PCDHGB5: variants seen among roughly 807,000 people sequenced by gnomAD.
PCDHGB5 encodes protocadherin gamma subfamily B, 5.
PCDHGB5 carries 48 observed loss-of-function variants against 62.9 expected under a neutral mutation model. The ratio of observed to expected loss-of-function variants is 0.76; its 90% CI spans 0.61 to 0.97. The LOEUF (loss-of-function observed/expected upper bound fraction) is 0.97. Ranked by LOEUF, PCDHGB5 falls within the 50% of genes least tolerant of loss-of-function variation. PCDHGB5 has a pLI of 0.00. For missense variants in PCDHGB5, 1,118 were observed against 1,198.6 expected (o/e 0.93, Z 0.99); for synonymous variants, 474 against 511.2 (o/e 0.93, Z 0.98).
intron 1 of PCDHGB5, among the ~76,000 whole-genome samples, chr5:141,466,826 G>A (rs978548667): frequency 1.2e-4 from 18 of 152,056 alleles, no homozygotes; most frequent in Admixed American, 8.5e-4. Flanking sequence ...TAACAAGTTA[G>A]TATGGGTTTA....
intron 1 of PCDHGB5, chr5:141,415,585 C>T: frequency 6.2e-7 from 1 of 1,613,900 alleles, no homozygotes; most frequent in Non-Finnish European, 8.5e-7. Context: ...TTCGAAGTTT[C>T]CTATAGAGGA....
rs2099713635 is a variant in PCDHGB5, at chr5:141,491,418, T to C, written c.2398-3389T>C. The C allele has an allele frequency of 6.2e-7, 1 of 1,613,796 alleles. No individual in the cohort carries two copies. Among genetic ancestry groups the C allele is most frequent in the Non-Finnish European group, 8.5e-7 (1 of 1,179,944 alleles). On this transcript the variant is annotated intron_variant, in intron 1 of 3. Transcript: ENST00000617380. The surrounding 1 kb of genome is among the most constrained non-coding windows in gnomAD (Gnocchi z 6.9). The stretch of plus-strand genomic sequence containing the variant: ...AGGGAAACGCAGACGGGGACGGGGG[T>C]GGAGGGCAGTGCTGCAGGCGCCAGG...
intron 1 of PCDHGB5, among the ~76,000 whole-genome samples, chr5:141,438,349 C>G (rs892834423): frequency 6.6e-6 from 1 of 151,762 alleles, no homozygotes; most frequent in Non-Finnish European, 1.5e-5. Flanking sequence ...AGGATCTACT[C>G]TGTGTATTGT....
At chr5:141,500,252 A>G (rs2099798400) in intron 2 of PCDHGB5, among the ~76,000 whole-genome samples, 1 of 151,094 alleles carries the variant, frequency 6.6e-6, no homozygotes, top group East Asian at 1.9e-4. Flanking sequence ...TCTGTCACCC[A>G]GGCTGGACTG....
chr5:141,409,462 C>G (rs377705841), intron 1 of PCDHGB5: 1 of 1,613,988 alleles, frequency 6.2e-7, no homozygotes, highest in African/African-American at 1.3e-5. Flanking sequence ...AATACAATGT[C>G]ACCATCGTAG....
At position 141,485,939 on chromosome 5, in the gene PCDHGB5, C is replaced by A; in HGVS notation, c.2398-8868C>A. ...CAGGATTAGTGTGTTGGAGAGCGCA[C>A]CAGCGGGCATGGTGCTCATCCAGCT... On this transcript the variant is annotated intron_variant, in intron 1 of 3. Transcript: ENST00000617380. This position sits in a 1 kb window ranked among gnomAD's most constrained non-coding sequence, Gnocchi z 5.7. 1 of 1,614,140 alleles carries A rather than the reference C, an allele frequency of 6.2e-7. No homozygotes were observed. The highest frequency in any genetic ancestry group is 8.5e-7 in the Non-Finnish European group (1 of 1,180,030).
At chr5:141,472,022 T>C (rs949257396) in intron 1 of PCDHGB5, among the ~76,000 whole-genome samples, 1 of 152,176 alleles carries the variant, frequency 6.6e-6, no homozygotes, top group Non-Finnish European at 1.5e-5. Flanking sequence ...CTATATTGTA[T>C]GTAGAAAGCT....
At position 141,477,226 on chromosome 5, in the gene PCDHGB5, C is replaced by G. The variant is rs779570150; in HGVS notation, c.2398-17581C>G. 59 of 1,614,076 alleles carry G rather than the reference C, an allele frequency of 3.7e-5. No homozygotes were observed. The highest frequency in any genetic ancestry group is 1.3e-4 in the Admixed American group (8 of 60,004). On this transcript the variant is annotated intron_variant, in intron 1 of 3. Coordinates refer to ENST00000617380, the MANE Select transcript of PCDHGB5 (RefSeq NM_018925.3). This position sits in a 1 kb window ranked among gnomAD's most constrained non-coding sequence, Gnocchi z 4.9. ...CCGAGGATGCCCCTCTGGGGACTGT[C>G]ATCGCTTTGCTCAGTGTGACTGACC...
chr5:141,475,388 G>C (rs1230010845), intron 1 of PCDHGB5, among the ~76,000 whole-genome samples: 8 of 152,170 alleles, frequency 5.3e-5, no homozygotes, highest in Non-Finnish European at 1.0e-4. Flanking sequence ...AATTTTATAA[G>C]CCAGAGTTAA....
chr5:141,403,367 G>A (rs753470303), intron 1 of PCDHGB5: 1 of 1,614,038 alleles, frequency 6.2e-7, no homozygotes, highest in South Asian at 1.1e-5. Context: ...CGAAAGTCTG[G>A]AAGTAAAAAT....
At chr5:141,401,599 G>A (rs368569328) in intron 1 of PCDHGB5, among the ~76,000 whole-genome samples, 22 of 152,278 alleles carry the variant, frequency 1.4e-4, no homozygotes, top group African/African-American at 4.8e-4. Context: ...CTTGAAGAAG[G>A]GGAAAAAGAC....
intron 1 of PCDHGB5, among the ~76,000 whole-genome samples, chr5:141,462,035 C>G (rs35674654): frequency 2.0e-5 from 3 of 152,076 alleles, no homozygotes; most frequent in Non-Finnish European, 4.4e-5. Context: ...GTTGGTCAGG[C>G]GGGTCTTGAA....
rs759346998 is a variant in PCDHGB5, at chr5:141,410,849, C to CTTTTTTTTTTTTTTTTTTTTTTTTTTTTT, written c.2397+10347_2397+10348insTTTTTTTTTTTTTTTTTTTTTTTTTTTTT. 5.4e-5 allele frequency: 7 copies of CTTTTTTTTTTTTTTTTTTTTTTTTTTTTT among 129,786 alleles called. 2 individuals carry two copies. The highest frequency in any genetic ancestry group is 3.0e-4 in the African/African-American group (5 of 16,598). 8.0% of individuals were successfully genotyped at this position (129,786 alleles called of 1,614,324 possible). A position where few individuals can be genotyped will look rare whatever the true frequency, so the allele number is the denominator to read the frequency against. ...CAGACTGAAGATATTTTGTCTTTGT[C>CTTTTTTTTTTTTTTTTTTTTTTTTTTTTT]TTTTTTTTTTTTTTTTTTTTTTGAG... On this transcript the variant is annotated intron_variant, in intron 1 of 3. Transcript: ENST00000617380.
chr5:141,436,048 T>G (rs553708148), intron 1 of PCDHGB5, among the ~76,000 whole-genome samples: 1 of 152,316 alleles, frequency 6.6e-6, no homozygotes, highest in South Asian at 2.1e-4. Context: ...TACATTAGTT[T>G]TCAAATAGAA....
chr5:141,501,970 T>C (rs2099812082), intron 2 of PCDHGB5, among the ~76,000 whole-genome samples: 1 of 152,068 alleles, frequency 6.6e-6, no homozygotes. Flanking sequence ...TCCTAACCTC[T>C]GGCATCTGGT....
At chr5:141,420,108 A>G (rs780657975) in intron 1 of PCDHGB5, 1 of 1,614,030 alleles carries the variant, frequency 6.2e-7, no homozygotes, top group Non-Finnish European at 8.5e-7. Flanking sequence ...ACGTTGCCCT[A>G]TGCCTATAAT....
At chr5:141,416,929 C>T (rs1184470714) in intron 1 of PCDHGB5, 1 of 151,960 alleles carries the variant, frequency 6.6e-6, no homozygotes. Flanking sequence ...TAGTTATTAA[C>T]TATTAAACCA....
chr5:141,488,193 T>C (rs1211647195), intron 1 of PCDHGB5, among the ~76,000 whole-genome samples: 1 of 152,122 alleles, frequency 6.6e-6, no homozygotes, highest in Non-Finnish European at 1.5e-5. Flanking sequence ...TTGGTCTGGG[T>C]CTTAGGACTC....
chr5:141,409,149 C>T (rs1248646625), intron 1 of PCDHGB5: 1 of 1,613,948 alleles, frequency 6.2e-7, no homozygotes, highest in Non-Finnish European at 8.5e-7. Context: ...GAAAGGTACA[C>T]CATGGAAGTG....
Sources: gnomAD v4.1 joint callset for allele counts (sites outside exome capture counted in the v4.1 genomes callset) on GRCh38, gnomAD v4.1.1 for gene constraint, Gnocchi (gnomAD v3.1) non-coding constraint, MANE v1.5 for transcripts, NCBI Gene and HGNC (gene_info 2026-07-23, HGNC 2026-07-21) for gene names.